VSNL1: variants seen among roughly 807,000 people sequenced by gnomAD.
The protein encoded by VSNL1 is visinin like 1.
A neutral mutation model predicts 20.4 loss-of-function variants in VSNL1; 6 were observed. That is an observed-to-expected ratio of 0.29 (90% CI 0.16 to 0.58). The LOEUF (loss-of-function observed/expected upper bound fraction) is 0.58. Among genes scored for constraint, VSNL1 ranks in the 20% least tolerant of loss-of-function variants. The pLI, the probability that VSNL1 is intolerant of heterozygous loss-of-function variation, is 0.90. For synonymous variants in VSNL1, 93 were observed against 86.4 expected, an observed-to-expected ratio of 1.08 and a Z score of -0.42; for missense variants, 100 against 234.5, an observed-to-expected ratio of 0.43 and a Z score of 3.75.
chr2:17,641,685 G>A (rs1665885901), intron 2 of VSNL1, among the ~76,000 whole-genome samples: 1 of 152,216 alleles, frequency 6.6e-6, no homozygotes, highest in Admixed American at 6.5e-5. Context: ...TTCCAATGGA[G>A]ATAGAAATAG....
chr2:17,603,086 G>C (rs1664868438), intron 2 of VSNL1, among the ~76,000 whole-genome samples: 1 of 152,176 alleles, frequency 6.6e-6, no homozygotes, highest in Non-Finnish European at 1.5e-5. Flanking sequence ...AAGATTTCAA[G>C]ACACCTTGAA....
intron 2 of VSNL1, among the ~76,000 whole-genome samples, chr2:17,648,542 C>T (rs544491117): frequency 6.6e-6 from 1 of 152,218 alleles, no homozygotes; most frequent in African/African-American, 2.4e-5. Flanking sequence ...GAAATACATA[C>T]GTAACTTCTC....
At chr2:17,645,022 G>A (rs987988474) in intron 2 of VSNL1, among the ~76,000 whole-genome samples, 6 of 152,274 alleles carry the variant, frequency 3.9e-5, no homozygotes, top group African/African-American at 1.4e-4. Context: ...GGGATTGGAT[G>A]GCAGACCTCT....
chr2:17,611,031 CTA>C (rs917561352), intron 2 of VSNL1, among the ~76,000 whole-genome samples: 3 of 152,146 alleles, frequency 2.0e-5, no homozygotes, highest in Non-Finnish European at 4.4e-5. Context: ...TAAATAGATG[CTA>C]TGAGAGAAAC....
At chr2:17,542,394 G>A (rs183876280) in intron 1 of VSNL1, among the ~76,000 whole-genome samples, 296 of 152,234 alleles carry the variant, frequency 1.9e-3, no homozygotes, top group African/African-American at 5.7e-3. Context: ...GGATTTCCAC[G>A]AAATAAGCAA....
At chr2:17,601,673 G>T (rs1464686990) in intron 2 of VSNL1, among the ~76,000 whole-genome samples, 1 of 145,508 alleles carries the variant, frequency 6.9e-6, no homozygotes, top group African/African-American at 2.6e-5. Flanking sequence ...GGTGGCTCAT[G>T]CCTGTAATCC....
chr2:17,590,339 C>G (rs1204861246), intron 1 of VSNL1, among the ~76,000 whole-genome samples: 1 of 152,192 alleles, frequency 6.6e-6, no homozygotes, highest in East Asian at 1.9e-4. Flanking sequence ...AGTTTTCTTA[C>G]TCACATTAAT....
chr2:17,649,868 G>C lies in VSNL1; in HGVS notation c.378+243G>C, dbSNP rs1325634731. On this transcript the variant is annotated intron_variant, in intron 3 of 3. Coordinates refer to ENST00000295156, the MANE Select transcript of VSNL1 (RefSeq NM_003385.5). The surrounding 1 kb of genome is among the most constrained non-coding windows in gnomAD (Gnocchi z 6.4). ...GTCATCTGCCATTCACTCACTACTG[G>C]ATCTCCCACGAACCTGTCTTACTGT... 6.6e-6 allele frequency among the ~76,000 whole-genome samples: 1 copy of C among 152,162 alleles called. No individual in the cohort carries two copies. The highest frequency in any genetic ancestry group is 1.5e-5 in the Non-Finnish European group (1 of 68,016).
At chr2:17,563,600 C>T (rs140764702) in intron 1 of VSNL1, among the ~76,000 whole-genome samples, 7 of 152,094 alleles carry the variant, frequency 4.6e-5, no homozygotes, top group Admixed American at 3.3e-4. Context: ...CGTGGTGGCA[C>T]GCACCTGTAG....
chr2:17,630,166 G>C (rs541314673), intron 2 of VSNL1, among the ~76,000 whole-genome samples: 38 of 152,358 alleles, frequency 2.5e-4, no homozygotes, highest in Admixed American at 2.1e-3. Context: ...GCTTTCAACT[G>C]TCTTTGCCTT....
chr2:17,564,242 G>T (rs953095277), intron 1 of VSNL1, among the ~76,000 whole-genome samples: 20 of 152,160 alleles, frequency 1.3e-4, no homozygotes, highest in African/African-American at 4.1e-4. Flanking sequence ...TTTCTATGTG[G>T]TCTGGCAACC....
At chr2:17,619,061 G>A (rs1472544646) in intron 2 of VSNL1, among the ~76,000 whole-genome samples, 1 of 152,186 alleles carries the variant, frequency 6.6e-6, no homozygotes, top group Non-Finnish European at 1.5e-5. Context: ...AATAACCACT[G>A]TGTGCCACAC....
At chr2:17,592,640 CTTTTT>C (rs55756596) in intron 2 of VSNL1, among the ~76,000 whole-genome samples, 5 of 70,884 alleles carry the variant, frequency 7.1e-5, no homozygotes, top group African/African-American at 1.5e-4. Flanking sequence ...CTCTCTCTCT[CTTTTT>C]TTTTTTTTTT....
chr2:17,650,964 A>G lies in VSNL1; in HGVS notation c.378+1339A>G, dbSNP rs1379010011. Among the ~76,000 whole-genome samples the G allele has an allele frequency of 2.6e-5, 4 of 152,180 alleles. No individual in the cohort carries two copies. In the East Asian group the frequency reaches 7.7e-4, roughly 29 times the overall value. On this transcript the variant is annotated intron_variant, in intron 3 of 3. Coordinates refer to ENST00000295156, the MANE Select transcript of VSNL1 (RefSeq NM_003385.5). ...GAATATATATTTTTTCCAGCAGGTT[A>G]TCAGAAAAGATACAGCACAATAATT... is the stretch of plus-strand genomic sequence containing the variant.
intron 2 of VSNL1, among the ~76,000 whole-genome samples, chr2:17,639,666 T>C (rs1393350244): frequency 3.3e-5 from 5 of 152,170 alleles, no homozygotes; most frequent in African/African-American, 7.2e-5. Context: ...ACTAAAATAA[T>C]AACAACAATA....
chr2:17,618,463 C>A (rs1371741847), intron 2 of VSNL1, among the ~76,000 whole-genome samples: 1 of 152,212 alleles, frequency 6.6e-6, no homozygotes, highest in African/African-American at 2.4e-5. Context: ...TGTGATTACA[C>A]TGGGTTCATC....
At chr2:17,560,925 A>C (rs1450454089) in intron 1 of VSNL1, among the ~76,000 whole-genome samples, 1 of 152,228 alleles carries the variant, frequency 6.6e-6, no homozygotes, top group Non-Finnish European at 1.5e-5. Flanking sequence ...CAAACAGGAT[A>C]GACTATGTAC....
chr2:17,546,887 C>T (rs2103335709), intron 1 of VSNL1, among the ~76,000 whole-genome samples: 1 of 151,854 alleles, frequency 6.6e-6, no homozygotes, highest in South Asian at 2.1e-4. Flanking sequence ...ATATAAAGTG[C>T]TTGATGTTTT....
intron 2 of VSNL1, among the ~76,000 whole-genome samples, chr2:17,642,542 T>C (rs1383325728): frequency 6.6e-6 from 1 of 152,096 alleles, no homozygotes; most frequent in Non-Finnish European, 1.5e-5. Context: ...TCTCTTGACC[T>C]TGTGATCTGC....
Sources: gnomAD v4.1 joint callset for allele counts (sites outside exome capture counted in the v4.1 genomes callset) on GRCh38, gnomAD v4.1.1 for gene constraint, Gnocchi (gnomAD v3.1) non-coding constraint, MANE v1.5 for transcripts, NCBI Gene and HGNC (gene_info 2026-07-23, HGNC 2026-07-21) for gene names.